HTR2C: variants seen among roughly 807,000 people sequenced by gnomAD.
HTR2C encodes the protein 5-hydroxytryptamine receptor 2C.
In HTR2C, 5 loss-of-function variants were observed where a neutral mutation model predicts 21.0. That is an observed-to-expected ratio of 0.24 (90% CI 0.12 to 0.50). The LOEUF (loss-of-function observed/expected upper bound fraction) is 0.50. Among genes scored for constraint, HTR2C ranks in the 20% least tolerant of loss-of-function variants. HTR2C has a pLI of 0.98. For synonymous variants in HTR2C, 150 were observed against 145.3 expected (o/e 1.03, Z -0.23); for missense variants, 271 against 371.2 (o/e 0.73, Z 2.22).
chrX:114,792,780 C>G (rs1345264058), intron 4 of HTR2C, among the ~76,000 whole-genome samples: 1 of 111,693 alleles, frequency 9.0e-6, no homozygotes, highest in Non-Finnish European at 1.9e-5. Context: ...CCAGCATCTA[C>G]TGTTTCTTAA....
At chrX:114,748,797 G>A (rs1369008791) in intron 4 of HTR2C, among the ~76,000 whole-genome samples, 1 of 111,583 alleles carries the variant, frequency 9.0e-6, no homozygotes, top group Admixed American at 9.5e-5. Context: ...GAAAACAGAA[G>A]AAAATCTTTA....
chrX:114,819,487 GA>G (rs1486206282), intron 4 of HTR2C, among the ~76,000 whole-genome samples: 1 of 112,525 alleles, frequency 8.9e-6, no homozygotes, highest in African/African-American at 3.2e-5. Flanking sequence ...GAATATTCAT[GA>G]AAGGGGTTGT....
At chrX:114,699,853 G>T (rs999422298) in intron 2 of HTR2C, among the ~76,000 whole-genome samples, 3 of 112,214 alleles carry the variant, frequency 2.7e-5, no homozygotes, top group Admixed American at 9.5e-5. Flanking sequence ...GTTCTTTCTT[G>T]CATCTGTATT....
intron 2 of HTR2C, among the ~76,000 whole-genome samples, chrX:114,682,578 C>G (rs1443780841): frequency 9.0e-6 from 1 of 111,416 alleles, no homozygotes; most frequent in African/African-American, 3.3e-5. Flanking sequence ...CTTTAAAAGT[C>G]TATTTCATGA....
Position 114,731,430 on chromosome X carries a change from C to T in HTR2C, c.172C>T (p.Leu58Phe), listed in dbSNP as rs1448152418. ...AGACGGGGTACAAAACTGGCCAGCA[C>T]TTTCAATCGTCATCATAATAATCAT... ...FPDGVQNWPALSIVIIIIMTI... is the reference protein window; with the variant it reads ...FPDGVQNWPAFSIVIIIIMTI... Residue 58 changes from leucine (L) to phenylalanine (F), a missense_variant, in exon 4 of 6, where the codon CTT (leucine) becomes TTT (phenylalanine). Leu to Phe is a conservative substitution (Grantham distance 22). Coordinates refer to ENST00000276198, the MANE Select transcript of HTR2C (RefSeq NM_000868.4). The T allele has an allele frequency of 3.3e-6, 4 of 1,208,306 alleles. No individual in the cohort carries two copies. Among genetic ancestry groups the T allele is most frequent in the Non-Finnish European group, 3.4e-6 (3 of 894,443 alleles).
chrX:114,604,470 A>AG (rs1233399124), intron 1 of HTR2C, among the ~76,000 whole-genome samples: 2 of 110,127 alleles, frequency 1.8e-5, no homozygotes, highest in Non-Finnish European at 3.8e-5. Flanking sequence ...TTGATTAAGA[A>AG]GGTAATCACT....
rs782223354 is a variant in HTR2C, at chrX:114,755,440, TC to T, written c.349+23836del. Among the ~76,000 whole-genome samples, 659 of 111,205 alleles carry T rather than the reference TC, an allele frequency of 5.9e-3. 1 individual carries two copies. Among genetic ancestry groups the T allele is most frequent in the Non-Finnish European group, 9.4e-3 (497 of 53,069 alleles). On this transcript the variant is annotated intron_variant, in intron 4 of 5. Coordinates refer to ENST00000276198, the MANE Select transcript of HTR2C (RefSeq NM_000868.4). Reference sequence around the variant, plus strand: ...ATTCCTTGGCTTATGGCCACATCACTCCCTTCTCTGCCTCTGCAATCACATT... The same window carrying T: ...ATTCCTTGGCTTATGGCCACATCACTCCTTCTCTGCCTCTGCAATCACATT...
At chrX:114,633,932 G>GTGTATA (rs1556404801) in intron 2 of HTR2C, among the ~76,000 whole-genome samples, 207 of 89,419 alleles carry the variant, frequency 2.3e-3, no homozygotes, top group African/African-American at 8.0e-3. Flanking sequence ...ATATGCATGT[G>GTGTATA]TATATATATA....
intron 4 of HTR2C, among the ~76,000 whole-genome samples, chrX:114,746,226 C>T (rs1556426072): frequency 1.8e-5 from 2 of 111,504 alleles, no homozygotes; most frequent in African/African-American, 6.5e-5. Flanking sequence ...TATACAACCT[C>T]TCCCAGAAAA....
intron 5 of HTR2C, among the ~76,000 whole-genome samples, chrX:114,875,498 A>G (rs2071126662): frequency 9.0e-6 from 1 of 111,349 alleles, no homozygotes; most frequent in South Asian, 3.8e-4. Flanking sequence ...ACCAATGTCC[A>G]GGAGTTTTCC....
At chrX:114,586,622 A>G (rs1165027786) in intron 1 of HTR2C, among the ~76,000 whole-genome samples, 7 of 110,587 alleles carry the variant, frequency 6.3e-5, no homozygotes, top group Non-Finnish European at 1.3e-4. Flanking sequence ...AACCCTTTCT[A>G]TGCTTTCTTG....
chrX:114,840,203 A>G (rs998127940), intron 4 of HTR2C, among the ~76,000 whole-genome samples: 10 of 110,506 alleles, frequency 9.0e-5, no homozygotes, highest in Admixed American at 3.9e-4. Context: ...TATCCTGAGA[A>G]TACCCAGATG....
intron 2 of HTR2C, among the ~76,000 whole-genome samples, chrX:114,704,039 A>G (rs931303856): frequency 1.5e-4 from 17 of 111,419 alleles, no homozygotes; most frequent in Non-Finnish European, 3.0e-4. Flanking sequence ...TAGACCAATA[A>G]CAGCCTCTGA....
At chrX:114,894,073 G>A (rs782385452) in intron 5 of HTR2C, among the ~76,000 whole-genome samples, 6 of 110,447 alleles carry the variant, frequency 5.4e-5, no homozygotes, top group African/African-American at 6.7e-5. Flanking sequence ...CTTTCATTGC[G>A]GATGGGACTG....
At chrX:114,760,807 G>T (rs1345316477) in intron 4 of HTR2C, among the ~76,000 whole-genome samples, 2 of 111,778 alleles carry the variant, frequency 1.8e-5, no homozygotes, top group Non-Finnish European at 3.8e-5. Flanking sequence ...ACAGGCATGA[G>T]TTACCACATC....
At position 114,884,229 on chromosome X, in the gene HTR2C, A is replaced by G. The variant is rs914855997; in HGVS notation, c.551-22360A>G. Among the ~76,000 whole-genome samples, 6 of 111,064 alleles carry G rather than the reference A, an allele frequency of 5.4e-5. 1 individual carries two copies. In the South Asian group the frequency reaches 1.9e-3, roughly 35 times the overall value. On this transcript the variant is annotated intron_variant, in intron 5 of 5. Coordinates refer to ENST00000276198, the MANE Select transcript of HTR2C (RefSeq NM_000868.4). ...CTTGGCTACTGTGAATAATGCTGCA[A>G]TGAACATGGGAGTGCAGGTGTCTCT...
chrX:114,650,550 T>C (rs1556408329), intron 2 of HTR2C, among the ~76,000 whole-genome samples: 1 of 112,135 alleles, frequency 8.9e-6, no homozygotes, highest in African/African-American at 3.2e-5. Context: ...TCAAGTCTCA[T>C]GTCATATGTG....
At chrX:114,840,070 C>T (rs1407660727) in intron 4 of HTR2C, among the ~76,000 whole-genome samples, 2 of 110,911 alleles carry the variant, frequency 1.8e-5, no homozygotes, top group Non-Finnish European at 3.8e-5. Flanking sequence ...AACGACATGG[C>T]ATTCACAATG....
chrX:114,675,735 G>C (rs1052905198), intron 2 of HTR2C, among the ~76,000 whole-genome samples: 2 of 112,029 alleles, frequency 1.8e-5, no homozygotes, highest in Middle Eastern at 4.7e-3. Flanking sequence ...CAATGTGCCA[G>C]AAAGAAATAG....
Sources: gnomAD v4.1 joint callset for allele counts (sites outside exome capture counted in the v4.1 genomes callset) on GRCh38, gnomAD v4.1.1 for gene constraint, MANE v1.5 for transcripts, NCBI Gene and HGNC (gene_info 2026-07-23, HGNC 2026-07-21) for gene names.